STPG2: variants seen among roughly 807,000 people sequenced by gnomAD.
STPG2 encodes sperm-tail PG-rich repeat-containing protein 2.
A neutral mutation model predicts 54.2 loss-of-function variants in STPG2; 56 were observed. The ratio of observed to expected loss-of-function variants is 1.03; its 90% CI spans 0.83 to 1.29. The LOEUF is 1.29. STPG2 is among the 50% of genes most tolerant of loss of function. The pLI, the probability that STPG2 is intolerant of heterozygous loss-of-function variation, is 0.00. For missense variants in STPG2, 596 were observed against 544.9 expected (o/e 1.09, Z -0.93); for synonymous variants, 200 against 181.8 (o/e 1.10, Z -0.81).
intron 4 of STPG2, among the ~76,000 whole-genome samples, chr4:97,445,270 A>C (rs1277928284): frequency 2.0e-5 from 3 of 152,172 alleles, no homozygotes; most frequent in African/African-American, 7.2e-5. Flanking sequence ...TAGAAGCAAA[A>C]GTATAATTTG....
chr4:97,847,749 C>A (rs767733394), intron 8 of STPG2, among the ~76,000 whole-genome samples: 1 of 152,166 alleles, frequency 6.6e-6, no homozygotes, highest in Non-Finnish European at 1.5e-5. Flanking sequence ...CTGCAACTAC[C>A]AAACGATGTG....
At chr4:98,047,389 G>C (rs1737166232) in intron 5 of STPG2, among the ~76,000 whole-genome samples, 1 of 151,982 alleles carries the variant, frequency 6.6e-6, no homozygotes, top group African/African-American at 2.4e-5. Context: ...TCAGCTCCCA[G>C]ATGCAGGCAA....
intron 8 of STPG2, among the ~76,000 whole-genome samples, chr4:97,915,496 C>T (rs1731841130): frequency 6.6e-6 from 1 of 152,052 alleles, no homozygotes; most frequent in Non-Finnish European, 1.5e-5. Flanking sequence ...ATGTTGTTCC[C>T]TATGATTCAA....
intron 10 of STPG2, among the ~76,000 whole-genome samples, chr4:97,679,477 G>A (rs1013361974): frequency 2.0e-5 from 3 of 151,592 alleles, no homozygotes; most frequent in African/African-American, 7.3e-5. Flanking sequence ...GGGGTTGTTT[G>A]TTTTTTTCTT....
intron 10 of STPG2, among the ~76,000 whole-genome samples, chr4:97,622,075 T>TTG (rs780027017): frequency 1.2e-4 from 18 of 152,252 alleles, no homozygotes; most frequent in Middle Eastern, 6.8e-3. Flanking sequence ...TAGAATTCAA[T>TTG]ATCGCTTCAT....
At chr4:97,584,493 C>T (rs555414405) in intron 10 of STPG2, among the ~76,000 whole-genome samples, 1 of 151,826 alleles carries the variant, frequency 6.6e-6, no homozygotes, top group South Asian at 2.1e-4. Context: ...AAGAACACAC[C>T]AAATCCAAAC....
At chr4:97,843,878 G>A (rs1728870227) in intron 8 of STPG2, among the ~76,000 whole-genome samples, 1 of 151,698 alleles carries the variant, frequency 6.6e-6, no homozygotes, top group African/African-American at 2.4e-5. Context: ...AAGCCTGACT[G>A]ACCTGTAACC....
At chr4:97,931,988 C>A (rs1478670087) in intron 8 of STPG2, among the ~76,000 whole-genome samples, 2 of 152,036 alleles carry the variant, frequency 1.3e-5, no homozygotes, top group East Asian at 3.9e-4. Flanking sequence ...TGTATGTGTC[C>A]AGGAATTTAC....
intron 10 of STPG2, among the ~76,000 whole-genome samples, chr4:97,566,430 C>T (rs185845824): frequency 0.012 from 1,886 of 152,270 alleles, 31 homozygotes; most frequent in African/African-American, 0.043. Context: ...TAGCACATGG[C>T]GTGCTGCACC....
At chr4:97,913,203 A>C (rs1731747455) in intron 8 of STPG2, among the ~76,000 whole-genome samples, 1 of 152,224 alleles carries the variant, frequency 6.6e-6, no homozygotes, top group Non-Finnish European at 1.5e-5. Context: ...GGAAGTTAAC[A>C]AATGATTCTA....
intron 8 of STPG2, among the ~76,000 whole-genome samples, chr4:97,915,030 AC>A (rs1365974659): frequency 6.6e-6 from 1 of 152,200 alleles, no homozygotes; most frequent in Non-Finnish European, 1.5e-5. Flanking sequence ...TTATGTGTAT[AC>A]CACAATTTGT....
intron 4 of STPG2, among the ~76,000 whole-genome samples, chr4:97,505,043 A>AT (rs532296659): frequency 0.056 from 8,257 of 148,212 alleles, 728 homozygotes; most frequent in African/African-American, 0.19. Flanking sequence ...TTACAGTGGT[A>AT]TTTTTTTTTT....
At chr4:97,536,841 A>G (rs1015531466) in intron 4 of STPG2, among the ~76,000 whole-genome samples, 1 of 152,170 alleles carries the variant, frequency 6.6e-6, no homozygotes. Flanking sequence ...ATGGAGAATG[A>G]ATTATCTGCC....
chr4:97,893,404 C>T (rs1028603104), intron 8 of STPG2, among the ~76,000 whole-genome samples: 6 of 151,990 alleles, frequency 3.9e-5, no homozygotes. Flanking sequence ...ATACAAAATA[C>T]AGTGGCTTAA....
In STPG2 at chr4:97,876,586, C is replaced by G. The variant is rs571340383; in HGVS notation, c.1045-35654G>C. On this transcript the variant is annotated intron_variant, in intron 8 of 10. Transcript: ENST00000295268. ...TTGTTTTCTAGAGTTTAGGGAACTG[C>G]TTTATTTTCTTTGAATATCTTTTCC... Among the ~76,000 whole-genome samples the G allele has an allele frequency of 2.2e-4, 33 of 152,030 alleles. No individual in the cohort carries two copies. In the South Asian group the frequency reaches 2.5e-3, roughly 11 times the overall value.
At chr4:97,958,551 C>T (rs1428917338) in intron 7 of STPG2, among the ~76,000 whole-genome samples, 1 of 152,152 alleles carries the variant, frequency 6.6e-6, no homozygotes, top group Non-Finnish European at 1.5e-5. Flanking sequence ...TGGAAAAAGA[C>T]ACTCCATGCA....
chr4:97,692,447 A>C (rs1408143358), intron 10 of STPG2, among the ~76,000 whole-genome samples: 1 of 152,170 alleles, frequency 6.6e-6, no homozygotes, highest in African/African-American at 2.4e-5. Flanking sequence ...AAAGAAATTC[A>C]GATATTCAAA....
At chr4:98,078,614 G>C (rs190662071) in intron 5 of STPG2, among the ~76,000 whole-genome samples, 2 of 150,654 alleles carry the variant, frequency 1.3e-5, no homozygotes, top group Non-Finnish European at 3.0e-5. Context: ...GGTGTGCAAA[G>C]AGTGCAAAGA....
At chr4:98,056,897 C>T (rs772678429) in intron 5 of STPG2, among the ~76,000 whole-genome samples, 7 of 151,466 alleles carry the variant, frequency 4.6e-5, no homozygotes, top group Non-Finnish European at 8.8e-5. Flanking sequence ...CTTGCTTCCC[C>T]TTCACACTTC....
Sources: gnomAD v4.1 joint callset for allele counts (sites outside exome capture counted in the v4.1 genomes callset) on GRCh38, gnomAD v4.1.1 for gene constraint, MANE v1.5 for transcripts, NCBI Gene and HGNC (gene_info 2026-07-23, HGNC 2026-07-21) for gene names.